Variants in NECAB1 observed in about 807,000 individuals in gnomAD.
The protein encoded by NECAB1 is N-terminal EF-hand calcium-binding protein 1.
A neutral mutation model predicts 57.5 loss-of-function variants in NECAB1; 29 were observed. The ratio of observed to expected loss-of-function variants is 0.50; its 90% CI spans 0.38 to 0.69. The LOEUF is 0.69. NECAB1 is among the 30% of genes least tolerant of loss of function. The pLI, the probability that NECAB1 is intolerant of heterozygous loss-of-function variation, is 0.00. For synonymous variants in NECAB1, 142 were observed against 147.7 expected (o/e 0.96, Z 0.28); for missense variants, 372 against 413.8 (o/e 0.90, Z 0.88).
chr8:90,809,485 G>T (rs1811914998), intron 2 of NECAB1, among the ~76,000 whole-genome samples: 1 of 152,232 alleles, frequency 6.6e-6, no homozygotes, highest in African/African-American at 2.4e-5. Context: ...AGATGATAGA[G>T]ATAAGAAAAT....
At chr8:90,922,486 A>ATGTTTTTTTTTTTTTTTTTT (rs1810140117) in intron 6 of NECAB1, among the ~76,000 whole-genome samples, 1 of 57,520 alleles carries the variant, frequency 1.7e-5, no homozygotes, top group Non-Finnish European at 3.3e-5. Context: ...AAAAACTTGG[A>ATGTTTTTTTTTTTTTTTTTT]TTTTTTTTTT....
At chr8:90,938,314 T>C (rs949452972) in intron 9 of NECAB1, among the ~76,000 whole-genome samples, 3 of 152,118 alleles carry the variant, frequency 2.0e-5, no homozygotes, top group Non-Finnish European at 4.4e-5. Flanking sequence ...ACTACTCCTA[T>C]AATAGAGAAA....
At chr8:90,810,276 C>G (rs1346702739) in intron 2 of NECAB1, among the ~76,000 whole-genome samples, 2 of 152,090 alleles carry the variant, frequency 1.3e-5, no homozygotes. Context: ...GGCTATGTTC[C>G]TGTTTTAAGG....
In NECAB1 at chr8:90,793,888, C is replaced by T. The variant is rs555671735; in HGVS notation, c.99+1903C>T. Among the ~76,000 whole-genome samples, 6 of 152,264 alleles carry T rather than the reference C, an allele frequency of 3.9e-5. No individual in the cohort carries two copies. The East Asian group carries it at 5.8e-4, about 15-fold the overall frequency. On this transcript the variant is annotated intron_variant, in intron 1 of 12. Coordinates refer to ENST00000417640, the MANE Select transcript of NECAB1 (RefSeq NM_022351.5). ...CTTAAGTGTTCAACTGCAATGTTTT[C>T]GAAGAGAAAATTAAAATTTCATTTT...
chr8:90,842,670 T>C (rs1371988654), intron 3 of NECAB1, among the ~76,000 whole-genome samples: 1 of 152,236 alleles, frequency 6.6e-6, no homozygotes, highest in African/African-American at 2.4e-5. Flanking sequence ...ACGTTTCCAA[T>C]GTAAGGCATT....
intron 3 of NECAB1, among the ~76,000 whole-genome samples, chr8:90,871,886 C>A (rs1808627679): frequency 1.3e-5 from 2 of 152,076 alleles, no homozygotes; most frequent in Non-Finnish European, 2.9e-5. Context: ...GCATTCTTTT[C>A]CCCATCATGT....
chr8:90,908,903 G>A (rs986766386), intron 5 of NECAB1, among the ~76,000 whole-genome samples: 3 of 152,004 alleles, frequency 2.0e-5, no homozygotes, highest in Non-Finnish European at 4.4e-5. Flanking sequence ...TAGTTAAATT[G>A]TACTCATTTT....
In NECAB1 at chr8:90,956,480, C is replaced by G. The variant is rs981583972; in HGVS notation, c.*968C>G. ...AGACATCTGTTTTCGAATTTCAACACTAGAATGACTAAAACTATCTACCTA... is the reference window on the plus strand; with the variant it reads ...AGACATCTGTTTTCGAATTTCAACAGTAGAATGACTAAAACTATCTACCTA... On this transcript the variant is annotated 3_prime_UTR_variant, in exon 13 of 13. Transcript: ENST00000417640. 2 of 151,784 alleles carry G rather than the reference C, an allele frequency of 1.3e-5. No homozygotes were observed. The highest frequency in any genetic ancestry group is 2.9e-5 in the Non-Finnish European group (2 of 67,866). The allele number at this position is 151,784 out of a possible 1,614,324, so 9.4% of individuals were successfully genotyped here.
chr8:90,906,887 A>ATATGTGTATATATATATATATATGTG (rs1554574066), intron 5 of NECAB1, among the ~76,000 whole-genome samples: 1 of 121,662 alleles, frequency 8.2e-6, no homozygotes, highest in African/African-American at 3.7e-5. Context: ...ATATATATAT[A>ATATGTGTATATATATATATATATGTG]TATATATATA....
chr8:90,925,063 G>A (rs1175757236), intron 6 of NECAB1, among the ~76,000 whole-genome samples: 1 of 151,908 alleles, frequency 6.6e-6, no homozygotes, highest in Non-Finnish European at 1.5e-5. Flanking sequence ...CTTTTTGAAA[G>A]AGGAGTGGGA....
intron 3 of NECAB1, among the ~76,000 whole-genome samples, chr8:90,844,405 C>A (rs781095071): frequency 6.6e-6 from 1 of 152,144 alleles, no homozygotes; most frequent in Non-Finnish European, 1.5e-5. Flanking sequence ...GTTTTCAAAC[C>A]AGTCTCTAGT....
At chr8:90,849,686 ATTTTTTTTTTTTT>A (rs34779201) in intron 3 of NECAB1, among the ~76,000 whole-genome samples, 1 of 84,132 alleles carries the variant, frequency 1.2e-5, no homozygotes, top group African/African-American at 4.1e-5. Context: ...GTTTCCAGTA[ATTTTTTTTTTTTT>A]TTTTTTTTTT....
intron 12 of NECAB1, among the ~76,000 whole-genome samples, chr8:90,954,026 G>T (rs1810968544): frequency 6.6e-6 from 1 of 151,538 alleles, no homozygotes; most frequent in Admixed American, 6.6e-5. Flanking sequence ...CTGAGTTCGT[G>T]CCAGTGCACT....
In NECAB1 at chr8:90,922,486, A is replaced by ATTTTTTTTTTTTTTTTTTTTTT. The variant is rs577951495; in HGVS notation, c.495-3046_495-3025dup. Among the ~76,000 whole-genome samples, 46 of 57,510 alleles carry ATTTTTTTTTTTTTTTTTTTTTT rather than the reference A, an allele frequency of 8.0e-4. 3 individuals carry two copies. Among genetic ancestry groups the ATTTTTTTTTTTTTTTTTTTTTT allele is most frequent in the Admixed American group, 2.4e-3 (8 of 3,364 alleles). The allele number at this position is 57,510 out of a possible 152,430, so 37.7% of individuals were successfully genotyped here. A position where few individuals can be genotyped will look rare whatever the true frequency, so the allele number is the denominator to read the frequency against. ...ACCACCAAAGCTGCCAAAAACTTGG[A>ATTTTTTTTTTTTTTTTTTTTTT]TTTTTTTTTTTTTTTTTTTTTTTTG... On this transcript the variant is annotated intron_variant, in intron 6 of 12. Transcript: ENST00000417640.
chr8:90,887,160 T>C (rs1377578868), intron 5 of NECAB1, among the ~76,000 whole-genome samples: 1 of 152,196 alleles, frequency 6.6e-6, no homozygotes, highest in African/African-American at 2.4e-5. Context: ...CGAGAACCTC[T>C]GCACTGTAAG....
intron 5 of NECAB1, among the ~76,000 whole-genome samples, chr8:90,907,419 G>GTGCT (rs1339936510): frequency 6.6e-6 from 1 of 152,130 alleles, no homozygotes; most frequent in Non-Finnish European, 1.5e-5. Context: ...GTGAGAAATA[G>GTGCT]TGCTGTCTTT....
intron 2 of NECAB1, among the ~76,000 whole-genome samples, chr8:90,823,422 C>G (rs1028989396): frequency 3.3e-5 from 5 of 151,792 alleles, no homozygotes; most frequent in African/African-American, 1.2e-4. Context: ...AAGTCCTTAT[C>G]TGAAAAAAAT....
At chr8:90,916,720 G>C (rs1809961969) in intron 5 of NECAB1, among the ~76,000 whole-genome samples, 1 of 152,112 alleles carries the variant, frequency 6.6e-6, no homozygotes, top group Non-Finnish European at 1.5e-5. Context: ...TGAGACTTTA[G>C]GGAGACAAGC....
At chr8:90,808,089 G>A (rs1191277753) in intron 2 of NECAB1, among the ~76,000 whole-genome samples, 5 of 151,926 alleles carry the variant, frequency 3.3e-5, no homozygotes, top group Non-Finnish European at 5.9e-5. Flanking sequence ...AGCAGAAAAC[G>A]GAAAATTCTT....
Sources: gnomAD v4.1 joint callset for allele counts (sites outside exome capture counted in the v4.1 genomes callset) on GRCh38, gnomAD v4.1.1 for gene constraint, MANE v1.5 for transcripts, NCBI Gene and HGNC (gene_info 2026-07-23, HGNC 2026-07-21) for gene names.